Variants in SLC66A3 observed in about 807,000 individuals in gnomAD.
SLC66A3 encodes the protein solute carrier family 66 member 3, also known as PQ loop repeat containing 3.
Under a neutral mutation model 25.5 loss-of-function variants are expected in SLC66A3, and 23 were observed. The observed-to-expected ratio is 0.90, with a 90% CI of 0.65 to 1.28. SLC66A3 has a LOEUF of 1.28. SLC66A3 is among the 50% of genes most tolerant of loss of function. The pLI is 0.00. For synonymous variants in SLC66A3, 108 were observed against 112.6 expected (o/e 0.96, Z 0.26); for missense variants, 246 against 262.1 (o/e 0.94, Z 0.42).
chr2:11,164,913 A>G (rs936085576), intron 4 of SLC66A3, among the ~76,000 whole-genome samples: 2 of 152,252 alleles, frequency 1.3e-5, no homozygotes, highest in African/African-American at 2.4e-5. Flanking sequence ...ACAGAACAAA[A>G]TGGAGTCTCC....
intron 5 of SLC66A3, among the ~76,000 whole-genome samples, chr2:11,173,494 T>C (rs1662627441): frequency 6.6e-6 from 1 of 152,250 alleles, no homozygotes; most frequent in Admixed American, 6.5e-5. Flanking sequence ...AATTCTTTTA[T>C]TTAAATGATG....
intron 4 of SLC66A3, among the ~76,000 whole-genome samples, chr2:11,165,009 A>G (rs996283589): frequency 6.6e-6 from 1 of 152,154 alleles, no homozygotes; most frequent in Non-Finnish European, 1.5e-5. Flanking sequence ...TGACAAAACC[A>G]CCATTGTCAT....
chr2:11,172,192 C>T (rs187646570), intron 5 of SLC66A3, 147 bp downstream of exon 5: 2 of 590,926 alleles, frequency 3.4e-6, no homozygotes, highest in African/African-American at 3.8e-5. Context: ...CTAAGTGTAT[C>T]CATGTTTACA....
At chr2:11,168,934 T>C (rs1230900528) in intron 4 of SLC66A3, among the ~76,000 whole-genome samples, 2 of 151,058 alleles carry the variant, frequency 1.3e-5, no homozygotes, top group African/African-American at 4.9e-5. Flanking sequence ...CTCGGCTCAC[T>C]GCAACCTCTG....
At chr2:11,156,053 C>CA (rs936685686) in intron 1 of SLC66A3, among the ~76,000 whole-genome samples, 2 of 152,226 alleles carry the variant, frequency 1.3e-5, no homozygotes, top group African/African-American at 4.8e-5. Context: ...TCCCTAAACT[C>CA]ACCACGCACC....
rs1662820784 is a variant in SLC66A3, at chr2:11,177,876, A to G, written c.*48A>G. The stretch of plus-strand genomic sequence containing the variant: ...AGTGGATTTTGAGTAACTGAACCAA[A>G]GGAAAAAGAAGCTCTTTGCTAAATT... On this transcript the variant is annotated 3_prime_UTR_variant, in exon 7 of 7. Transcript: ENST00000295083. The G allele has an allele frequency of 1.8e-6, 2 of 1,098,222 alleles. No individual in the cohort carries two copies. Among genetic ancestry groups the G allele is most frequent in the Non-Finnish European group, 1.4e-6 (1 of 739,878 alleles). The allele number at this position is 1,098,222 out of a possible 1,614,324, so 68.0% of individuals were successfully genotyped here. A position where few individuals can be genotyped will look rare whatever the true frequency, so the allele number is the denominator to read the frequency against.
chr2:11,173,080 T>C (rs1047229357), intron 5 of SLC66A3, among the ~76,000 whole-genome samples: 6 of 152,030 alleles, frequency 3.9e-5, no homozygotes, highest in Admixed American at 2.0e-4. Flanking sequence ...CCAGGCTGGT[T>C]TTGAACTCCT....
intron 1 of SLC66A3, among the ~76,000 whole-genome samples, chr2:11,157,121 T>C (rs937082337): frequency 1.6e-4 from 25 of 152,198 alleles, no homozygotes; most frequent in Admixed American, 1.0e-3. Flanking sequence ...CCACCACTTT[T>C]GCAGCATTGC....
intron 1 of SLC66A3, among the ~76,000 whole-genome samples, chr2:11,156,833 G>T (rs899554703): frequency 6.6e-6 from 1 of 152,144 alleles, no homozygotes; most frequent in African/African-American, 2.4e-5. Flanking sequence ...CAGGGGAGGT[G>T]GGCAGCATGC....
chr2:11,167,488 A>T (rs1662386003), intron 4 of SLC66A3, among the ~76,000 whole-genome samples: 1 of 152,244 alleles, frequency 6.6e-6, no homozygotes, highest in South Asian at 2.1e-4. Flanking sequence ...GTCAAGGGCA[A>T]CAACAGCTTT....
At position 11,175,023 on chromosome 2, in the gene SLC66A3, C is replaced by G. The variant is rs754508324; in HGVS notation, c.517+14C>G. On this transcript the variant is annotated intron_variant, in intron 6 of 6. Transcript: ENST00000295083. ...ATGATTTTACAAGTAAGCAAAATATCTTCTCACTTCCTTTTTGAGTTTTGT... is the reference window on the plus strand; with the variant it reads ...ATGATTTTACAAGTAAGCAAAATATGTTCTCACTTCCTTTTTGAGTTTTGT... 2 of 1,587,618 alleles carry G rather than the reference C, an allele frequency of 1.3e-6. No homozygotes were observed. The highest frequency in any genetic ancestry group is 1.7e-6 in the Non-Finnish European group (2 of 1,162,830).
intron 1 of SLC66A3, 160 bp from the exon 2 acceptor site, chr2:11,160,306 A>T: frequency 1.5e-6 from 1 of 656,878 alleles, no homozygotes; most frequent in East Asian, 2.7e-5. Context: ...GATTCAACTG[A>T]ATTCCATCTA....
chr2:11,160,370 G>C (rs1662072862), intron 1 of SLC66A3, 96 bp from the exon 2 acceptor site: 1 of 1,031,438 alleles, frequency 9.7e-7, no homozygotes, highest in Non-Finnish European at 1.5e-6. Context: ...CCCACTGCAA[G>C]GATTCGGCAA....
Position 11,177,878 on chromosome 2 carries a change from G to A in SLC66A3, c.*50G>A. On this transcript the variant is annotated 3_prime_UTR_variant, in exon 7 of 7. Transcript: ENST00000295083. ...TGGATTTTGAGTAACTGAACCAAAG[G>A]AAAAAGAAGCTCTTTGCTAAATTAA... The A allele has an allele frequency of 9.1e-7, 1 of 1,096,636 alleles. No homozygotes were observed. The highest frequency in any genetic ancestry group is 1.4e-6 in the Non-Finnish European group (1 of 740,150). The allele number at this position is 1,096,636 out of a possible 1,614,324, so 67.9% of individuals were successfully genotyped here.
In SLC66A3 at chr2:11,168,292, A is replaced by G. The variant is rs142259860; in HGVS notation, c.355-3633A>G. On this transcript the variant is annotated intron_variant, in intron 4 of 6. Transcript: ENST00000295083. ...AGCAAGACTCTGTCTGAAAAAAAAA[A>G]AAAAGCTCTCCGTGACAGCTAAGCA... is the stretch of plus-strand genomic sequence containing the variant. Among the ~76,000 whole-genome samples, 621 of 152,054 alleles carry G rather than the reference A, an allele frequency of 4.1e-3. 6 individuals are homozygous for G. The highest frequency in any genetic ancestry group is 0.013 in the African/African-American group (550 of 41,470).
Position 11,160,731 on chromosome 2 carries a change from G to A in SLC66A3, c.296+37G>A, listed in dbSNP as rs373812829. On this transcript the variant is annotated intron_variant, in intron 3 of 6. Coordinates refer to ENST00000295083, the MANE Select transcript of SLC66A3 (RefSeq NM_152391.5). ...GAATCTGAGCCAGAAGTGGGAACGG[G>A]GATGTTATTTGTGAATGGTATGCAT... The A allele has an allele frequency of 6.3e-5, 101 of 1,613,480 alleles. No individual in the cohort carries two copies. The Admixed American group carries it at 1.2e-3, about 19-fold the overall frequency.
Position 11,156,769 on chromosome 2 carries a change from C to T in SLC66A3, c.143+1080C>T, listed in dbSNP as rs369032875. ...TTCCAGGCTTGTGAGTGACTCTACC[C>T]TGCGGGGTGGGGAGGGGGGGGTCCC... On this transcript the variant is annotated intron_variant, in intron 1 of 6. Transcript: ENST00000295083. 8.8e-5 allele frequency among the ~76,000 whole-genome samples: 13 copies of T among 148,124 alleles called. No homozygotes were observed. In the East Asian group the frequency reaches 2.7e-3, roughly 31 times the overall value.
At chr2:11,166,432 C>A (rs931283485) in intron 4 of SLC66A3, among the ~76,000 whole-genome samples, 3 of 151,832 alleles carry the variant, frequency 2.0e-5, no homozygotes, top group Admixed American at 2.0e-4. Context: ...GCCTGCCACA[C>A]GCAGACTCAT....
At position 11,160,692 on chromosome 2, in the gene SLC66A3, T is replaced by C; in HGVS notation, c.294T>C (p.Ala98=). The change falls in exon 3 of 7, where the codon GCT becomes GCC. Residue 98 remains alanine (A), a splice_region_variant and synonymous_variant. Transcript: ENST00000295083. ...GNVKQATPYI[A]VLVSSWFILA... ...TGAAGCAGGCCACTCCTTACATCGCTGTGTATCCTTTCTGAATCTGAGCCA... is the reference window on the plus strand; with the variant it reads ...TGAAGCAGGCCACTCCTTACATCGCCGTGTATCCTTTCTGAATCTGAGCCA... The C allele has an allele frequency of 2.5e-6, 4 of 1,614,076 alleles. No individual in the cohort carries two copies. Among genetic ancestry groups the C allele is most frequent in the Non-Finnish European group, 3.4e-6 (4 of 1,179,980 alleles).
Sources: allele counts gnomAD v4.1 joint callset (sites outside exome capture counted in the v4.1 genomes callset), GRCh38; gene constraint gnomAD v4.1.1; transcripts MANE v1.5; gene names NCBI Gene and HGNC (gene_info 2026-07-23, HGNC 2026-07-21).